Variants in CCSER1 observed in about 807,000 individuals in gnomAD.
CCSER1 encodes serine-rich coiled-coil domain-containing protein 1.
Under a neutral mutation model 82.0 loss-of-function variants are expected in CCSER1, and 41 were observed. The ratio of observed to expected loss-of-function variants is 0.50; its 90% confidence interval spans 0.39 to 0.65. The LOEUF is 0.65. Ranked by LOEUF, CCSER1 falls within the 30% of genes least tolerant of loss-of-function variation. The probability of loss-of-function intolerance (pLI) is 0.00; values close to 1 mark genes in which losing one functional copy is unlikely to be tolerated. For synonymous variants in CCSER1, 414 were observed against 383.9 expected, an observed-to-expected ratio of 1.08 and a Z score of -0.92; for missense variants, 1,119 against 1,064.2, an observed-to-expected ratio of 1.05 and a Z score of -0.72.
chr4:91,508,255 T>C (rs1253181940), intron 10 of CCSER1, among the ~76,000 whole-genome samples: 1 of 144,672 alleles, frequency 6.9e-6, no homozygotes, highest in Non-Finnish European at 1.5e-5. Context: ...GATCTTCACA[T>C]ATGAAATTTG....
intron 10 of CCSER1, among the ~76,000 whole-genome samples, chr4:91,569,799 C>T (rs1763079021): frequency 6.6e-6 from 1 of 152,090 alleles, no homozygotes; most frequent in African/African-American, 2.4e-5. Context: ...CTGCCCCTGC[C>T]TCCTCCCAAA....
chr4:90,575,926 C>G (rs1374007327), intron 5 of CCSER1, among the ~76,000 whole-genome samples: 1 of 152,008 alleles, frequency 6.6e-6, no homozygotes, highest in East Asian at 1.9e-4. Context: ...AGTATATTTG[C>G]TTTAAGCATA....
At chr4:90,930,750 A>G (rs2150282857) in intron 9 of CCSER1, among the ~76,000 whole-genome samples, 1 of 151,926 alleles carries the variant, frequency 6.6e-6, no homozygotes, top group Admixed American at 6.6e-5. Context: ...GCAGCTAATT[A>G]TTATAATCTG....
chr4:91,290,078 A>T (rs1743629272), intron 10 of CCSER1, among the ~76,000 whole-genome samples: 1 of 151,942 alleles, frequency 6.6e-6, no homozygotes, highest in Admixed American at 6.6e-5. Context: ...AAGTTTTGAG[A>T]GGGATAAACT....
At chr4:90,484,540 A>T (rs930777624) in intron 5 of CCSER1, among the ~76,000 whole-genome samples, 2 of 152,056 alleles carry the variant, frequency 1.3e-5, no homozygotes, top group Admixed American at 1.3e-4. Context: ...TGACATACAG[A>T]CGGGTTTTTG....
chr4:90,204,384 G>A (rs36187971), intron 1 of CCSER1, among the ~76,000 whole-genome samples: 85,285 of 151,832 alleles, frequency 0.56, 24,522 homozygotes, highest in African/African-American at 0.68. Flanking sequence ...GGGTAAGGAA[G>A]GGGTCCAGTT....
intron 10 of CCSER1, among the ~76,000 whole-genome samples, chr4:91,296,476 T>TAA: frequency 7.2e-6 from 1 of 139,384 alleles, no homozygotes; most frequent in Admixed American, 7.1e-5. Flanking sequence ...TGTATATATA[T>TAA]ATATATATAT....
At chr4:90,963,925 C>T (rs891733424) in intron 9 of CCSER1, among the ~76,000 whole-genome samples, 1 of 152,112 alleles carries the variant, frequency 6.6e-6, no homozygotes, top group African/African-American at 2.4e-5. Context: ...TTCTTCTTCT[C>T]TTGCTTTTGT....
chr4:91,018,695 A>G (rs999332771), intron 9 of CCSER1, among the ~76,000 whole-genome samples: 3 of 151,958 alleles, frequency 2.0e-5, no homozygotes, highest in Admixed American at 6.6e-5. Flanking sequence ...TTCAATACCA[A>G]TGTTTCAGAC....
chr4:90,811,981 T>TATAAACACACACACACAC lies in CCSER1; in HGVS notation c.2011-3778_2011-3777insAACACACACACACACATA, dbSNP rs1554019014. On this transcript the variant is annotated intron_variant, in intron 7 of 10. Coordinates refer to ENST00000509176, the MANE Select transcript of CCSER1 (RefSeq NM_001145065.2). ...ACATATATATACACATATATATATA[T>TATAAACACACACACACAC]ATATATATAAACACATATATATATA... is the stretch of plus-strand genomic sequence containing the variant. 8.9e-4 allele frequency among the ~76,000 whole-genome samples: 110 copies of TATAAACACACACACACAC among 124,258 alleles called. 1 individual carries two copies. The highest frequency in any genetic ancestry group is 3.3e-3 in the African/African-American group (100 of 30,440). 81.5% of individuals were successfully genotyped at this position (124,258 alleles called of 152,430 possible).
intron 10 of CCSER1, among the ~76,000 whole-genome samples, chr4:91,407,325 G>A (rs17018461): frequency 0.013 from 1,910 of 152,216 alleles, 27 homozygotes; most frequent in African/African-American, 0.041. Flanking sequence ...GGCAAAAACC[G>A]TGTCTTGTTA....
At chr4:91,004,710 A>C (rs1170983812) in intron 9 of CCSER1, among the ~76,000 whole-genome samples, 3 of 151,914 alleles carry the variant, frequency 2.0e-5, no homozygotes, top group Non-Finnish European at 2.9e-5. Context: ...AACACTCAAA[A>C]CCTCTGCTTA....
At chr4:90,539,431 G>A (rs992882862) in intron 5 of CCSER1, among the ~76,000 whole-genome samples, 9 of 152,108 alleles carry the variant, frequency 5.9e-5, no homozygotes, top group East Asian at 3.9e-4. Context: ...AAAATCTTTA[G>A]TGACTTTTTT....
chr4:90,290,778 ATTGGAATACTAAT>A (rs1379362943), intron 1 of CCSER1, among the ~76,000 whole-genome samples: 2 of 152,022 alleles, frequency 1.3e-5, no homozygotes, highest in South Asian at 2.1e-4. Context: ...TGGATCTGTC[ATTGGAATACTAAT>A]TTGGAATACT....
intron 4 of CCSER1, among the ~76,000 whole-genome samples, chr4:90,415,578 C>A (rs539840635): frequency 1.1e-3 from 163 of 152,072 alleles, no homozygotes; most frequent in Non-Finnish European, 1.7e-3. Flanking sequence ...TGAAAGATAA[C>A]CACTGGGTAA....
intron 10 of CCSER1, among the ~76,000 whole-genome samples, chr4:91,400,562 T>G (rs1752253942): frequency 1.3e-5 from 2 of 149,388 alleles, no homozygotes; most frequent in African/African-American, 4.9e-5. Context: ...CTATTTGCCC[T>G]TAAAATCACA....
chr4:91,436,995 G>A (rs1438723595), intron 10 of CCSER1, among the ~76,000 whole-genome samples: 2 of 152,216 alleles, frequency 1.3e-5, no homozygotes, highest in Non-Finnish European at 2.9e-5. Context: ...TAAGGTGTGA[G>A]TGAAGGCCTG....
intron 5 of CCSER1, among the ~76,000 whole-genome samples, chr4:90,575,469 C>T (rs1780630770): frequency 6.6e-6 from 1 of 152,196 alleles, no homozygotes; most frequent in African/African-American, 2.4e-5. Context: ...TCTTAAAGGT[C>T]CCACTTCTCA....
intron 10 of CCSER1, among the ~76,000 whole-genome samples, chr4:91,528,325 T>C (rs960412819): frequency 2.0e-5 from 3 of 152,154 alleles, no homozygotes; most frequent in African/African-American, 7.2e-5. Context: ...AAAGTGATGG[T>C]ATATAAAGTG....
Sources: allele counts gnomAD v4.1 joint callset (sites outside exome capture counted in the v4.1 genomes callset), GRCh38; gene constraint gnomAD v4.1.1; transcripts MANE v1.5; gene names NCBI Gene and HGNC (gene_info 2026-07-23, HGNC 2026-07-21).